PPP4R3A: variants seen among roughly 807,000 people sequenced by gnomAD.
PPP4R3A encodes protein phosphatase 4 regulatory subunit 3A.
PPP4R3A carries 15 observed loss-of-function variants against 91.7 expected under a neutral mutation model. The ratio of observed to expected loss-of-function variants is 0.16; its 90% confidence interval spans 0.11 to 0.25. The LOEUF (loss-of-function observed/expected upper bound fraction) is 0.25, where lower values mean the gene tolerates loss of function less well. PPP4R3A is among the 10% of genes least tolerant of loss of function. The pLI, the probability that PPP4R3A is intolerant of heterozygous loss-of-function variation, is 1.00. For synonymous variants in PPP4R3A, 377 were observed against 348.7 expected (o/e 1.08, Z -0.91); for missense variants, 623 against 998.4 (o/e 0.62, Z 5.07).
At chr14:91,490,867 T>G in intron 1 of PPP4R3A, 65 bp from the exon 2 acceptor site, 3 of 707,460 alleles carry the variant, frequency 4.2e-6, no homozygotes, top group East Asian at 3.2e-5. Flanking sequence ...TTCCCTTACA[T>G]ACACACATAT....
chr14:91,491,513 T>C (rs1450235084), intron 1 of PPP4R3A, among the ~76,000 whole-genome samples: 1 of 152,132 alleles, frequency 6.6e-6, no homozygotes, highest in African/African-American at 2.4e-5. Flanking sequence ...GTTCAAGCGA[T>C]TCTCCTGCCT....
chr14:91,459,109 A>C (rs1356135486), intron 14 of PPP4R3A, among the ~76,000 whole-genome samples: 3 of 151,922 alleles, frequency 2.0e-5, no homozygotes, highest in African/African-American at 7.3e-5. Flanking sequence ...TTAAAGCAAA[A>C]ATTTTTTTTT....
chr14:91,492,783 T>C (rs1025331307), intron 1 of PPP4R3A, among the ~76,000 whole-genome samples: 1 of 152,156 alleles, frequency 6.6e-6, no homozygotes, highest in African/African-American at 2.4e-5. Context: ...TTGGAGAAAA[T>C]ACTGTTTTAA....
chr14:91,506,829 C>G (rs1052682090), intron 1 of PPP4R3A, among the ~76,000 whole-genome samples: 5 of 152,316 alleles, frequency 3.3e-5, no homozygotes, highest in African/African-American at 1.2e-4. Flanking sequence ...GGATTATAGG[C>G]GTGAGCCACC....
At chr14:91,485,573 C>A in intron 3 of PPP4R3A, 59 bp downstream of exon 3, 1 of 1,196,068 alleles carries the variant, frequency 8.4e-7, no homozygotes, top group South Asian at 1.3e-5. Flanking sequence ...TAGTTGAAAG[C>A]ATGGCAAAAA....
chr14:91,462,050 T>C lies in PPP4R3A; in HGVS notation c.2163A>G (p.Lys721=). 6.6e-7 allele frequency: 1 copy of C among 1,509,518 alleles called. No homozygotes were observed. Among genetic ancestry groups the C allele is most frequent in the South Asian group, 1.3e-5 (1 of 75,214 alleles). The allele number at this position is 1,509,518 out of a possible 1,614,324, so 93.5% of individuals were successfully genotyped here. Residue 721 remains lysine, a splice_region_variant and synonymous_variant, in exon 13 of 15, where the codon AAA becomes AAG. Coordinates refer to ENST00000554943, the MANE Select transcript of PPP4R3A (RefSeq NM_001366432.2). ...CTTGCCCATTTTTTTCCAACATACA[T>C]TTCTTCCTTTCCATGAATTTACTTA... ...DPISKFMERK[K]LKESEEKEVL...
intron 1 of PPP4R3A, among the ~76,000 whole-genome samples, chr14:91,496,066 T>C (rs1890549215): frequency 6.6e-6 from 1 of 152,106 alleles, no homozygotes. Flanking sequence ...AAAAGACAGC[T>C]GAGACAAAGG....
At position 91,458,741 on chromosome 14, in the gene PPP4R3A, C is replaced by A. The variant is rs1887924911; in HGVS notation, c.*18G>T. 6.2e-7 allele frequency: 1 copy of A among 1,613,880 alleles called. No individual in the cohort carries two copies. Among genetic ancestry groups the A allele is most frequent in the African/African-American group, 1.3e-5 (1 of 74,874 alleles). On this transcript the variant is annotated 3_prime_UTR_variant, in exon 15 of 15. Transcript: ENST00000554943. ...CCAGTTTTTTTCAACAGGTACTGAT[C>A]CTAGGCCGTTGCCATTATTATGAAT...
At chr14:91,461,126 G>A (rs913659834) in intron 14 of PPP4R3A, among the ~76,000 whole-genome samples, 17 of 152,092 alleles carry the variant, frequency 1.1e-4, no homozygotes, top group Non-Finnish European at 2.1e-4. Context: ...ATACAAATTT[G>A]AAGTTTCAGT....
intron 1 of PPP4R3A, among the ~76,000 whole-genome samples, chr14:91,503,207 C>T (rs539269377): frequency 3.4e-3 from 520 of 152,154 alleles, no homozygotes; most frequent in Non-Finnish European, 5.9e-3. Context: ...AGGCAGGTAT[C>T]GAACTTCTGG....
intron 1 of PPP4R3A, among the ~76,000 whole-genome samples, chr14:91,492,920 T>C (rs1423021032): frequency 2.0e-5 from 3 of 152,138 alleles, no homozygotes; most frequent in African/African-American, 7.2e-5. Flanking sequence ...TAGTGATACA[T>C]TCATAACAAG....
intron 1 of PPP4R3A, among the ~76,000 whole-genome samples, chr14:91,506,883 G>A (rs1891324229): frequency 6.6e-6 from 1 of 152,128 alleles, no homozygotes; most frequent in African/African-American, 2.4e-5. Context: ...TTTCCTTACA[G>A]CCTAAATTTA....
Position 91,461,541 on chromosome 14 carries a change from A to T in PPP4R3A, c.2231T>A (p.Phe744Tyr). The T allele has an allele frequency of 6.2e-7, 1 of 1,614,068 alleles. No homozygotes were observed. The highest frequency in any genetic ancestry group is 8.5e-7 in the Non-Finnish European group (1 of 1,179,954). Residue 744 changes from phenylalanine to tyrosine, a missense_variant, in exon 14 of 15, where the codon TTC (phenylalanine) becomes TAC (tyrosine). Phe to Tyr is a conservative substitution (Grantham distance 22, BLOSUM62 3). Coordinates refer to ENST00000554943, the MANE Select transcript of PPP4R3A (RefSeq NM_001366432.2). The part of the protein sequence containing the change: ...TNLSGRQSPS[F>Y]KLSLSSGTKT... ...CGTTCCACTGGACAGGGAAAGCTTG[A>T]AACTTGGGCTCTGCCGTCCAGAAAG...
At chr14:91,466,596 A>G (rs895462585) in intron 10 of PPP4R3A, among the ~76,000 whole-genome samples, 3 of 152,228 alleles carry the variant, frequency 2.0e-5, no homozygotes, top group African/African-American at 7.2e-5. Context: ...AATAGTTTAT[A>G]GAATAATAAT....
chr14:91,509,130 T>C lies in PPP4R3A; in HGVS notation c.142+376A>G, dbSNP rs1417906307. On this transcript the variant is annotated intron_variant, in intron 1 of 14. Transcript: ENST00000554943. The stretch of plus-strand genomic sequence containing the variant: ...CAAAGTTTCATGCCTGCTTTACAGA[T>C]GGGTGAACTAAGGCAGCAGATCGGA... 2.6e-5 allele frequency among the ~76,000 whole-genome samples: 4 copies of C among 152,178 alleles called. No individual in the cohort carries two copies. In the East Asian group the frequency reaches 7.7e-4, roughly 29 times the overall value.
intron 9 of PPP4R3A, among the ~76,000 whole-genome samples, chr14:91,471,757 T>C (rs192617766): frequency 6.8e-4 from 103 of 152,300 alleles, no homozygotes; most frequent in Non-Finnish European, 1.3e-3. Context: ...GTGAGTGCTA[T>C]AATTATGCTA....
chr14:91,462,132 T>G lies in PPP4R3A; in HGVS notation c.2081A>C (p.Glu694Ala). Residue 694 changes from glutamate (E) to alanine (A), a missense_variant, in exon 13 of 15, where the codon GAA becomes GCA. Physicochemically the swap from Glu to Ala is moderately radical, Grantham distance 107 (BLOSUM62 -1). Coordinates refer to ENST00000554943, the MANE Select transcript of PPP4R3A (RefSeq NM_001366432.2). ...TTTGTCAGATGGAGACACTACAGCT[T>G]CTCCATCTTCCATGTCATCTTCATC... is the stretch of plus-strand genomic sequence containing the variant. Reference protein sequence around the residue: ...NTDEDDMEDGEAVVSPSDKTK... With the variant: ...NTDEDDMEDGAAVVSPSDKTK... 6.2e-7 allele frequency: 1 copy of G among 1,606,274 alleles called. No homozygotes were observed. The highest frequency in any genetic ancestry group is 2.3e-5 in the East Asian group (1 of 44,258).
chr14:91,510,028 G>A lies in PPP4R3A; in HGVS notation c.-381C>T. 1 of 838,206 alleles carries A rather than the reference G, an allele frequency of 1.2e-6. No homozygotes were observed. The highest frequency in any genetic ancestry group is 1.4e-6 in the Non-Finnish European group (1 of 692,560). The allele number at this position is 838,206 out of a possible 1,614,324, so 51.9% of individuals were successfully genotyped here. A position where few individuals can be genotyped will look rare whatever the true frequency, so the allele number is the denominator to read the frequency against. On this transcript the variant is annotated 5_prime_UTR_variant, in exon 1 of 15. Transcript: ENST00000554943. Reference sequence around the variant, plus strand: ...CGAAGCAGCTTCCCGCGCCGCCGCCGCCTCCTCAGGCCGCCGCCGCCGCCG... The same window carrying A: ...CGAAGCAGCTTCCCGCGCCGCCGCCACCTCCTCAGGCCGCCGCCGCCGCCG...
At chr14:91,463,488 T>C (rs927810342) in intron 11 of PPP4R3A, among the ~76,000 whole-genome samples, 4 of 152,016 alleles carry the variant, frequency 2.6e-5, no homozygotes, top group Non-Finnish European at 4.4e-5. Flanking sequence ...GGTTGAGATA[T>C]AGTGGTATGA....
Sources: allele counts gnomAD v4.1 joint callset (sites outside exome capture counted in the v4.1 genomes callset), GRCh38; gene constraint gnomAD v4.1.1; transcripts MANE v1.5; gene names NCBI Gene and HGNC (gene_info 2026-07-23, HGNC 2026-07-21).